Variants in PCDHA8 observed in about 807,000 individuals in gnomAD.
The protein encoded by PCDHA8 is protocadherin alpha 8.
PCDHA8 carries 53 observed loss-of-function variants against 61.8 expected under a neutral mutation model. The observed-to-expected ratio is 0.86, with a 90% CI of 0.69 to 1.08. PCDHA8 has a LOEUF of 1.08. PCDHA8 is among the 50% of genes least tolerant of loss of function. The probability of loss-of-function intolerance (pLI) is 0.00; values close to 1 mark genes in which losing one functional copy is unlikely to be tolerated. For synonymous variants in PCDHA8, 618 were observed against 556.6 expected (o/e 1.11, Z -1.55); for missense variants, 1,293 against 1,245.0 (o/e 1.04, Z -0.58).
chr5:140,850,382 C>T (rs2150481725), intron 1 of PCDHA8: 2 of 1,597,874 alleles, frequency 1.3e-6, no homozygotes, highest in East Asian at 2.2e-5. Context: ...TGTACACGGG[C>T]GAGATCAGCA....
chr5:140,862,610 G>A (rs2047447715), intron 1 of PCDHA8: 4 of 520,926 alleles, frequency 7.7e-6, no homozygotes, highest in Non-Finnish European at 1.6e-5. Flanking sequence ...TTCGTGAAAG[G>A]TAACAACCCG....
chr5:140,863,116 G>A (rs1554157785), intron 1 of PCDHA8: 7 of 589,834 alleles, frequency 1.2e-5, no homozygotes, highest in African/African-American at 1.9e-5. Flanking sequence ...CGAGGCGAAA[G>A]CTACGCGCCA....
intron 1 of PCDHA8, among the ~76,000 whole-genome samples, chr5:140,960,254 C>T (rs2095534958): frequency 6.6e-6 from 1 of 152,138 alleles, no homozygotes; most frequent in South Asian, 2.1e-4. Flanking sequence ...CTTCCTGGAG[C>T]TTCTGATAAA....
chr5:140,851,882 G>A lies in PCDHA8; in HGVS notation c.2394+8167G>A. ...CATACATAACACAAGGCAGAAATCT[G>A]GATATGAGATTTGCCTCTTTAATGT... On this transcript the variant is annotated intron_variant, in intron 1 of 3. Transcript: ENST00000531613. The A allele has an allele frequency of 2.0e-6, 2 of 976,778 alleles. 1 individual carries two copies. Among genetic ancestry groups the A allele is most frequent in the Non-Finnish European group, 2.5e-6 (2 of 809,414 alleles). The allele number at this position is 976,778 out of a possible 1,614,324, so 60.5% of individuals were successfully genotyped here. A position where few individuals can be genotyped will look rare whatever the true frequency, so the allele number is the denominator to read the frequency against.
At chr5:140,917,157 G>A (rs77234668) in intron 1 of PCDHA8, among the ~76,000 whole-genome samples, 2,784 of 152,240 alleles carry the variant, frequency 0.018, 84 homozygotes, top group African/African-American at 0.063. Context: ...TGGGGGATAT[G>A]GGAGGGGTGA....
intron 1 of PCDHA8, chr5:140,967,878 A>G: frequency 6.2e-7 from 1 of 1,614,152 alleles, no homozygotes; most frequent in Non-Finnish European, 8.5e-7. Flanking sequence ...ACGGACCTGT[A>G]TAGCCCAGTG....
In PCDHA8 at chr5:140,852,077, T is replaced by C. The variant is rs1291291529; in HGVS notation, c.2394+8362T>C. 28 of 903,448 alleles carry C rather than the reference T, an allele frequency of 3.1e-5. 1 individual carries two copies. The highest frequency in any genetic ancestry group is 3.8e-5 in the Non-Finnish European group (28 of 741,468). The allele number at this position is 903,448 out of a possible 1,614,324, so 56.0% of individuals were successfully genotyped here. ...ATATTTTTCTTTCTCTTTCAGCTAT[T>C]TTATTTAATATTGTGTCAGATATTT... is the stretch of plus-strand genomic sequence containing the variant. On this transcript the variant is annotated intron_variant, in intron 1 of 3. Coordinates refer to ENST00000531613, the MANE Select transcript of PCDHA8 (RefSeq NM_018911.3).
At chr5:140,902,914 G>A (rs560076660) in intron 1 of PCDHA8, among the ~76,000 whole-genome samples, 14 of 152,306 alleles carry the variant, frequency 9.2e-5, no homozygotes, top group African/African-American at 2.9e-4. Context: ...TGGCTGAGTA[G>A]TATTGCATGG....
Position 141,010,990 on chromosome 5 carries a change from A to G in PCDHA8, c.*1053A>G, listed in dbSNP as rs1399914066. The stretch of plus-strand genomic sequence containing the variant: ...GTGCTTTAAGAGAATTGCCTGAAAC[A>G]TCTGTATTATATCGGCCACCTGCCA... On this transcript the variant is annotated 3_prime_UTR_variant, in exon 4 of 4. Transcript: ENST00000531613. The G allele has an allele frequency of 6.5e-6, 1 of 153,770 alleles. No individual in the cohort carries two copies. Among genetic ancestry groups the G allele is most frequent in the Non-Finnish European group, 1.5e-5 (1 of 68,054 alleles). 9.5% of individuals were successfully genotyped at this position (153,770 alleles called of 1,614,324 possible). A position where few individuals can be genotyped will look rare whatever the true frequency, so the allele number is the denominator to read the frequency against.
intron 1 of PCDHA8, among the ~76,000 whole-genome samples, chr5:140,846,400 A>T (rs1581110513): frequency 9.9e-6 from 1 of 101,082 alleles, no homozygotes; most frequent in Non-Finnish European, 1.8e-5. Flanking sequence ...TTTGAGACGG[A>T]GTCTCGCTCT....
chr5:140,949,260 T>A (rs1292112980), intron 1 of PCDHA8, among the ~76,000 whole-genome samples: 1 of 151,804 alleles, frequency 6.6e-6, no homozygotes, highest in African/African-American at 2.4e-5. Flanking sequence ...GATGAACATA[T>A]CACGTGCACT....
At chr5:140,883,208 A>C in intron 1 of PCDHA8, 3 of 1,614,034 alleles carry the variant, frequency 1.9e-6, no homozygotes, top group Non-Finnish European at 1.7e-6. Context: ...CGAAGAAAAG[A>C]AATTATATGA....
chr5:140,965,834 G>T (rs1018708290), intron 1 of PCDHA8, among the ~76,000 whole-genome samples: 1 of 152,128 alleles, frequency 6.6e-6, no homozygotes, highest in Admixed American at 6.5e-5. Context: ...TTAAATATTG[G>T]TTATTTGCCA....
chr5:140,884,556 GC>G, intron 1 of PCDHA8: 2 of 1,614,154 alleles, frequency 1.2e-6, no homozygotes, highest in Non-Finnish European at 1.7e-6. Flanking sequence ...TCTGGGGAGG[GC>G]CCGCATAAGA....
chr5:140,859,326 A>G (rs2045811679), intron 1 of PCDHA8: 1 of 227,460 alleles, frequency 4.4e-6, no homozygotes, highest in East Asian at 1.7e-4. Context: ...GTTTGAGGAG[A>G]AAATAAAATT....
At chr5:140,886,921 C>T (rs778306326) in intron 1 of PCDHA8, among the ~76,000 whole-genome samples, 2 of 151,406 alleles carry the variant, frequency 1.3e-5, no homozygotes, top group African/African-American at 4.9e-5. Context: ...TGAGTGTTCT[C>T]TATGTGCCAG....
chr5:140,992,470 G>T (rs1027762445), intron 3 of PCDHA8, among the ~76,000 whole-genome samples: 2 of 152,192 alleles, frequency 1.3e-5, no homozygotes, highest in African/African-American at 4.8e-5. Context: ...GTACTCTTTA[G>T]ATCACCCAGA....
At chr5:140,893,336 A>G (rs2063930718) in intron 1 of PCDHA8, among the ~76,000 whole-genome samples, 1 of 152,098 alleles carries the variant, frequency 6.6e-6, no homozygotes, top group Admixed American at 6.6e-5. Context: ...TGTTTTCCTT[A>G]GTGGCAGTGC....
chr5:140,938,062 A>G (rs2091901426), intron 1 of PCDHA8, among the ~76,000 whole-genome samples: 1 of 152,176 alleles, frequency 6.6e-6, no homozygotes, highest in Non-Finnish European at 1.5e-5. Context: ...ATATACTGTC[A>G]TGCTATTCCC....
Sources: allele counts gnomAD v4.1 joint callset (sites outside exome capture counted in the v4.1 genomes callset), GRCh38; gene constraint gnomAD v4.1.1; transcripts MANE v1.5; gene names NCBI Gene and HGNC (gene_info 2026-07-23, HGNC 2026-07-21).